ZNF775: variants seen among roughly 807,000 people sequenced by gnomAD.
ZNF775 encodes zinc finger protein 775.
In ZNF775, 1 loss-of-function variant was observed where a neutral mutation model predicts 2.4. That is an observed-to-expected ratio of 0.41 (90% CI 0.15 to 1.94). The LOEUF is 1.94. ZNF775 is among the 30% of genes most tolerant of loss of function. The pLI is 0.30. For missense variants in ZNF775, 823 were observed against 826.6 expected, an observed-to-expected ratio of 1.00 and a Z score of 0.05; for synonymous variants, 381 against 373.3, an observed-to-expected ratio of 1.02 and a Z score of -0.24.
rs1800380084 is a variant in ZNF775 at position 150,382,370 on chromosome 7, A to G, written c.-50+2978A>G. On this transcript the variant is annotated intron_variant, in intron 1 of 2. Transcript: ENST00000329630. The surrounding 1 kb of genome is among the most constrained non-coding windows in gnomAD (Gnocchi z 4.6). ...GGTATTTCCGTTCACCTGCGCCTTCAAGAACCTGAGCTCAAAGCGCTGCAA... is the reference window on the plus strand; with the variant it reads ...GGTATTTCCGTTCACCTGCGCCTTCGAGAACCTGAGCTCAAAGCGCTGCAA... Among the ~76,000 whole-genome samples, 1 of 152,056 alleles carries G rather than the reference A, an allele frequency of 6.6e-6. No individual in the cohort carries two copies. The highest frequency in any genetic ancestry group is 1.5e-5 in the Non-Finnish European group (1 of 67,978).
chr7:150,385,573 G>A (rs1376750601), intron 1 of ZNF775, among the ~76,000 whole-genome samples: 3 of 152,058 alleles, frequency 2.0e-5, no homozygotes, highest in African/African-American at 4.8e-5. Context: ...TAACTGCAAA[G>A]ACGGAAGCTC....
intron 2 of ZNF775, among the ~76,000 whole-genome samples, chr7:150,394,264 T>C (rs1207528474): frequency 6.6e-6 from 1 of 152,254 alleles, no homozygotes; most frequent in African/African-American, 2.4e-5. Flanking sequence ...ATTGGGTATA[T>C]TCCTAGTTAC....
chr7:150,397,057 G>A lies in ZNF775; in HGVS notation c.576G>A (p.Ser192=), dbSNP rs1177098239. ...CCCACTCCCGGCCCGCCACCCACTC[G>A]TGCCCCGAGTGCGAGCGCTGCTTCC... ...QKTHSRPATH[S]CPECERCFRH... is the part of the protein sequence containing the mutation. Residue 192 remains serine (S), a synonymous_variant, in exon 3 of 3, where the codon TCG becomes TCA. Transcript: ENST00000329630. 5.7e-6 allele frequency: 9 copies of A among 1,592,618 alleles called. No homozygotes were observed. Among genetic ancestry groups the A allele is most frequent in the South Asian group, 4.4e-5 (4 of 90,114 alleles).
rs771197113 is a variant in ZNF775, at chr7:150,397,848, C to T, written c.1367C>T (p.Ser456Leu). The T allele has an allele frequency of 4.6e-5, 73 of 1,602,014 alleles. No homozygotes were observed. The highest frequency in any genetic ancestry group is 6.1e-5 in the Non-Finnish European group (72 of 1,177,954). Residue 456 changes from serine to leucine, a missense_variant, in exon 3 of 3, where the codon TCG (serine) becomes TTG (leucine). Ser to Leu is a moderately radical substitution (Grantham distance 145). Coordinates refer to ENST00000329630, the MANE Select transcript of ZNF775 (RefSeq NM_173680.4). ...FICNECGKSF[S>L]WWSALTIHQR... ...TGCAACGAGTGCGGCAAGAGCTTCT[C>T]GTGGTGGTCGGCGCTCACCATCCAC...
intron 1 of ZNF775, among the ~76,000 whole-genome samples, chr7:150,383,412 G>GC (rs1418997013): frequency 1.3e-5 from 2 of 152,314 alleles, no homozygotes; most frequent in African/African-American, 4.8e-5. Flanking sequence ...GTGGGAGCAA[G>GC]CCCCCGCTCC....
At position 150,396,520 on chromosome 7, in the gene ZNF775, G is replaced by A; in HGVS notation, c.39G>A (p.Gly13=). 2 of 1,595,472 alleles carry A rather than the reference G, an allele frequency of 1.3e-6. No homozygotes were observed. Among genetic ancestry groups the A allele is most frequent in the Non-Finnish European group, 1.7e-6 (2 of 1,173,346 alleles). The part of the protein sequence containing the change: ...SGLAGNGTGA[G]LVMKVKQEKP... ...CCCGCTTGCCTCTGGCAGGAGCTGG[G>A]CTGGTGATGAAGGTCAAGCAGGAGA... Residue 13 remains glycine, a synonymous_variant, in exon 3 of 3, where the codon GGG becomes GGA. Transcript: ENST00000329630.
chr7:150,394,559 A>G (rs887191808), intron 2 of ZNF775, among the ~76,000 whole-genome samples: 2 of 151,890 alleles, frequency 1.3e-5, no homozygotes, highest in Admixed American at 6.6e-5. Context: ...TTTGGTTATA[A>G]TGTTCGCTGT....
At chr7:150,381,371 G>A (rs891836953) in intron 1 of ZNF775, among the ~76,000 whole-genome samples, 6 of 152,096 alleles carry the variant, frequency 3.9e-5, no homozygotes, top group Non-Finnish European at 5.9e-5. Context: ...GGTCTCCTGG[G>A]AATGTCGAGG....
At chr7:150,387,809 C>CA (rs59650697) in intron 1 of ZNF775, among the ~76,000 whole-genome samples, 61,853 of 148,702 alleles carry the variant, frequency 0.42, 13,228 homozygotes, top group Admixed American at 0.49. Context: ...GACTCCATCT[C>CA]AAAAAAAAAA....
Position 150,396,598 on chromosome 7 carries a change from G to A in ZNF775, c.117G>A (p.Lys39=). The part of the protein sequence containing the change: ...TLAPQAMLVE[K]DKENIFQQHR... ...CGCCGCAGGCCATGCTTGTGGAGAA[G>A]GACAAGGAGAACATATTTCAGCAGC... The change falls in exon 3 of 3, where the codon AAG becomes AAA. Residue 39 remains lysine (K), a synonymous_variant. Coordinates refer to ENST00000329630, the MANE Select transcript of ZNF775 (RefSeq NM_173680.4). The A allele has an allele frequency of 1.2e-6, 2 of 1,610,740 alleles. No individual in the cohort carries two copies. The highest frequency in any genetic ancestry group is 1.7e-6 in the Non-Finnish European group (2 of 1,179,382).
chr7:150,397,524 A>G lies in ZNF775; in HGVS notation c.1043A>G (p.Gln348Arg). ...PCPHCGRGFR[Q>R]KQHLLKHLRT... ...CCGCACTGTGGCCGCGGCTTCCGCC[A>G]GAAGCAGCACCTGCTCAAGCACCTG... Residue 348 changes from glutamine (Q) to arginine (R), a missense_variant, in exon 3 of 3, where the codon CAG becomes CGG. Coordinates refer to ENST00000329630, the MANE Select transcript of ZNF775 (RefSeq NM_173680.4). The G allele has an allele frequency of 1.3e-6, 2 of 1,562,400 alleles. No individual in the cohort carries two copies. The highest frequency in any genetic ancestry group is 1.7e-6 in the Non-Finnish European group (2 of 1,161,316).
chr7:150,391,706 C>CTTTTTTTTTTTTTTTTTTTTTTTTTTTT (rs535705895), intron 2 of ZNF775, among the ~76,000 whole-genome samples: 5 of 73,598 alleles, frequency 6.8e-5, no homozygotes, highest in Non-Finnish European at 1.0e-4. Flanking sequence ...TCCTTTCTTT[C>CTTTTTTTTTTTTTTTTTTTTTTTTTTTT]TTTTTTTTTT....
At position 150,397,101 on chromosome 7, in the gene ZNF775, G is replaced by A. The variant is rs761549870; in HGVS notation, c.620G>A (p.Arg207His). 1 of 1,557,184 alleles carries A rather than the reference G, an allele frequency of 6.4e-7. No homozygotes were observed. Among genetic ancestry groups the A allele is most frequent in the Non-Finnish European group, 8.6e-7 (1 of 1,159,552 alleles). ...TGCTTCCGTCACCAGGTGGGCCTCCGCATCCACCAGCGCGCGCACGCCCGG... is the reference window on the plus strand; with the variant it reads ...TGCTTCCGTCACCAGGTGGGCCTCCACATCCACCAGCGCGCGCACGCCCGG... ...ERCFRHQVGL[R>H]IHQRAHARDR... Residue 207 changes from arginine to histidine, a missense_variant, in exon 3 of 3, where the codon CGC becomes CAC. Arg to His is a conservative substitution (Grantham distance 29, BLOSUM62 0). Transcript: ENST00000329630.
At chr7:150,386,545 C>T (rs1246266753) in intron 1 of ZNF775, among the ~76,000 whole-genome samples, 1 of 152,128 alleles carries the variant, frequency 6.6e-6, no homozygotes, top group Non-Finnish European at 1.5e-5. Context: ...GTCTGGGTCT[C>T]TGCGAGGCTC....
At position 150,397,284 on chromosome 7, in the gene ZNF775, C is replaced by T. The variant is rs1800683204; in HGVS notation, c.803C>T (p.Ala268Val). ...GWWGQPGARA[A>V]VSGPEGPGEP... ...TGGGGCCAGCCCGGGGCCCGGGCCG[C>T]GGTCTCCGGCCCCGAGGGGCCGGGC... The change falls in exon 3 of 3, where the codon GCG becomes GTG. Residue 268 changes from alanine to valine, a missense_variant. Ala to Val is a moderately conservative substitution (Grantham distance 64). Transcript: ENST00000329630. The T allele has an allele frequency of 4.0e-6, 6 of 1,502,588 alleles. No individual in the cohort carries two copies. The highest frequency in any genetic ancestry group is 4.2e-5 in the Admixed American group (2 of 47,436). The allele number at this position is 1,502,588 out of a possible 1,614,324, so 93.1% of individuals were successfully genotyped here. A position where few individuals can be genotyped will look rare whatever the true frequency, so the allele number is the denominator to read the frequency against.
In ZNF775 at chr7:150,397,183, C is replaced by G; in HGVS notation, c.702C>G (p.Arg234=). 4 of 1,249,174 alleles carry G rather than the reference C, an allele frequency of 3.2e-6. No individual in the cohort carries two copies. In the East Asian group the frequency reaches 1.1e-4, roughly 34 times the overall value. The allele number at this position is 1,249,174 out of a possible 1,614,324, so 77.4% of individuals were successfully genotyped here. Residue 234 remains arginine (R), a synonymous_variant, in exon 3 of 3, where the codon CGC becomes CGG. Transcript: ENST00000329630. The part of the protein sequence containing the change: ...LHELIQDAAA[R]RACRLQPGPP... ...AGCTGATTCAGGACGCGGCGGCGCG[C>G]CGGGCCTGTCGCCTGCAGCCGGGGC...
intron 2 of ZNF775, among the ~76,000 whole-genome samples, chr7:150,391,108 A>G (rs1800551213): frequency 6.6e-6 from 1 of 152,236 alleles, no homozygotes; most frequent in South Asian, 2.1e-4. Context: ...TCTGGATACT[A>G]AGCGTTTGTC....
intron 2 of ZNF775, among the ~76,000 whole-genome samples, chr7:150,391,835 C>T (rs963750650): frequency 1.3e-5 from 2 of 150,544 alleles, no homozygotes; most frequent in Non-Finnish European, 3.0e-5. Context: ...CCTCAGCCTC[C>T]TGAGTAGCTG....
rs372428835 is a variant in ZNF775 at position 150,397,849 on chromosome 7, G to A, written c.1368G>A (p.Ser456=). ...GCAACGAGTGCGGCAAGAGCTTCTC[G>A]TGGTGGTCGGCGCTCACCATCCACC... The part of the protein sequence containing the change: ...FICNECGKSF[S]WWSALTIHQR... The change falls in exon 3 of 3, where the codon TCG becomes TCA. Residue 456 remains serine, a synonymous_variant. Transcript: ENST00000329630. 65 of 1,601,688 alleles carry A rather than the reference G, an allele frequency of 4.1e-5. No individual in the cohort carries two copies. In the Admixed American group the frequency reaches 7.1e-4, roughly 17 times the overall value.
Sources: allele counts gnomAD v4.1 joint callset (sites outside exome capture counted in the v4.1 genomes callset), GRCh38; gene constraint gnomAD v4.1.1; non-coding constraint Gnocchi (gnomAD v3.1); transcripts MANE v1.5; gene names NCBI Gene and HGNC (gene_info 2026-07-23, HGNC 2026-07-21).